The following TENM4 variants were observed in gnomAD, a reference collection of about 807,000 sequenced individuals.
TENM4 encodes teneurin transmembrane protein 4.
A neutral mutation model predicts 243.3 loss-of-function variants in TENM4; 82 were observed. The observed-to-expected ratio is 0.34, with a 90% CI of 0.28 to 0.40. TENM4 has a LOEUF of 0.40. TENM4 is among the 10% of genes least tolerant of loss of function. TENM4 has a pLI of 1.00. For synonymous variants in TENM4, 1,412 were observed against 1,456.3 expected, an observed-to-expected ratio of 0.97 and a Z score of 0.69; for missense variants, 3,138 against 3,673.3, an observed-to-expected ratio of 0.85 and a Z score of 3.77.
chr11:79,038,845 G>A (rs557969112), intron 6 of TENM4, among the ~76,000 whole-genome samples: 1 of 152,348 alleles, frequency 6.6e-6, no homozygotes, highest in South Asian at 2.1e-4. Flanking sequence ...AGAAGAGAAA[G>A]AGCCAGGGAA....
intron 19 of TENM4, among the ~76,000 whole-genome samples, chr11:78,752,254 C>T (rs1262489195): frequency 6.6e-6 from 1 of 152,238 alleles, no homozygotes; most frequent in Non-Finnish European, 1.5e-5. Context: ...GCCTTCATCA[C>T]TCCAGGAGAT....
intron 6 of TENM4, among the ~76,000 whole-genome samples, chr11:78,987,604 G>A (rs2136650205): frequency 6.6e-6 from 1 of 152,324 alleles, no homozygotes; most frequent in South Asian, 2.1e-4. Flanking sequence ...ACATGTAAGT[G>A]TACTTTACAC....
At chr11:79,011,538 C>T (rs950426823) in intron 6 of TENM4, among the ~76,000 whole-genome samples, 6 of 152,158 alleles carry the variant, frequency 3.9e-5, no homozygotes, top group African/African-American at 1.2e-4. Flanking sequence ...GGCTTAGATG[C>T]CCAGGTTCCT....
chr11:78,805,277 T>TTCCCCCCCCC lies in TENM4; in HGVS notation c.2179+14_2179+15insGGGGGGGGGA. The TTCCCCCCCCC allele has an allele frequency of 7.1e-7, 1 of 1,402,550 alleles. No individual in the cohort carries two copies. Among genetic ancestry groups the TTCCCCCCCCC allele is most frequent in the Non-Finnish European group, 9.7e-7 (1 of 1,033,116 alleles). 86.9% of individuals were successfully genotyped at this position (1,402,550 alleles called of 1,614,324 possible). ...CCCCTCCCTCTACCCATGCTTCTTC[T>TTCCCCCCCCC]CCCCCTGCATTTACCGATAGAACAG... On this transcript the variant is annotated intron_variant, in intron 15 of 33. Coordinates refer to ENST00000278550, the MANE Select transcript of TENM4 (RefSeq NM_001098816.3).
chr11:79,006,663 A>C (rs528879769), intron 6 of TENM4, among the ~76,000 whole-genome samples: 44 of 152,336 alleles, frequency 2.9e-4, no homozygotes, highest in Non-Finnish European at 5.0e-4. Context: ...AAATTTAGAT[A>C]TACAGGCACA....
At chr11:78,806,627 T>C (rs1857394436) in intron 14 of TENM4, among the ~76,000 whole-genome samples, 1 of 152,222 alleles carries the variant, frequency 6.6e-6, no homozygotes, top group Non-Finnish European at 1.5e-5. Context: ...AGGTAAATAA[T>C]TTATGCCAGA....
intron 4 of TENM4, chr11:79,093,824 A>C (rs1482675342): frequency 6.6e-6 from 1 of 152,192 alleles, no homozygotes; most frequent in Non-Finnish European, 1.5e-5. Context: ...ATAAACACTA[A>C]ATAAGACTTG....
At chr11:78,918,450 T>TA (rs35213447) in intron 6 of TENM4, among the ~76,000 whole-genome samples, 2,305 of 143,058 alleles carry the variant, frequency 0.016, 52 homozygotes, top group African/African-American at 0.049. Context: ...CTACTTATGT[T>TA]AAAAAAAAAA....
chr11:79,105,125 G>A (rs954805800), intron 4 of TENM4, among the ~76,000 whole-genome samples: 16 of 152,072 alleles, frequency 1.1e-4, no homozygotes, highest in Non-Finnish European at 1.8e-4. Context: ...AGCCACCAAC[G>A]AACCCCAATT....
intron 16 of TENM4, among the ~76,000 whole-genome samples, chr11:78,783,156 A>G (rs1243041986): frequency 6.6e-6 from 1 of 152,216 alleles, no homozygotes; most frequent in African/African-American, 2.4e-5. Context: ...AAGAAATAGG[A>G]AAAAAATTAA....
intron 6 of TENM4, among the ~76,000 whole-genome samples, chr11:78,950,399 A>G (rs1216275372): frequency 6.6e-6 from 1 of 152,176 alleles, no homozygotes; most frequent in East Asian, 1.9e-4. Context: ...GGGGGAGAAT[A>G]AATCCCTGAT....
At chr11:78,917,303 C>T (rs759909489) in intron 6 of TENM4, among the ~76,000 whole-genome samples, 4 of 152,180 alleles carry the variant, frequency 2.6e-5, no homozygotes, top group Admixed American at 6.5e-5. Flanking sequence ...CTACCTTCAC[C>T]GAAGAGCGGC....
chr11:79,088,113 A>G (rs1406614522), intron 4 of TENM4, among the ~76,000 whole-genome samples: 1 of 152,164 alleles, frequency 6.6e-6, no homozygotes, highest in African/African-American at 2.4e-5. Flanking sequence ...TCTGCCTGTC[A>G]CTCCATCGGT....
intron 28 of TENM4, among the ~76,000 whole-genome samples, chr11:78,699,128 A>C (rs149043624): frequency 6.6e-6 from 1 of 150,550 alleles, no homozygotes; most frequent in Non-Finnish European, 1.5e-5. Context: ...TATTGCTTGC[A>C]TTAACAACAA....
In TENM4 at chr11:78,854,108, G is replaced by T; in HGVS notation, c.1677C>A (p.Ala559=). 1 of 1,551,234 alleles carries T rather than the reference G, an allele frequency of 6.4e-7. No homozygotes were observed. Among genetic ancestry groups the T allele is most frequent in the Non-Finnish European group, 8.7e-7 (1 of 1,146,732 alleles). The change falls in exon 12 of 34, where the codon GCC becomes GCA. Residue 559 remains alanine (A), a synonymous_variant. Coordinates refer to ENST00000278550, the MANE Select transcript of TENM4 (RefSeq NM_001098816.3). ...CAGAGGGTGTGGCTCCCTTACCAAT[G>T]GCAGTGGTGAGAAAGGAAACCACTT... ...ESEVVSFLTT[A]IESVDNCPSN...
chr11:79,289,125 G>A (rs1434184845), intron 2 of TENM4, among the ~76,000 whole-genome samples: 1 of 152,206 alleles, frequency 6.6e-6, no homozygotes, highest in African/African-American at 2.4e-5. Flanking sequence ...TCCTACACGT[G>A]TAGAGGGCAA....
At chr11:78,708,310 T>C in intron 27 of TENM4, 51 bp downstream of exon 27, 1 of 1,606,148 alleles carries the variant, frequency 6.2e-7, no homozygotes, top group Non-Finnish European at 8.5e-7. Flanking sequence ...GGGTGGCAGA[T>C]GAGAGGATGA....
chr11:78,964,033 A>C (rs1857388826), intron 6 of TENM4, among the ~76,000 whole-genome samples: 2 of 130,462 alleles, frequency 1.5e-5, no homozygotes, highest in African/African-American at 6.0e-5. Flanking sequence ...CACCACACCC[A>C]GACTTTTTTT....
Position 78,931,542 on chromosome 11 carries a change from A to C in TENM4, c.494-28019T>G, listed in dbSNP as rs183201259. 2.6e-5 allele frequency among the ~76,000 whole-genome samples: 4 copies of C among 152,350 alleles called. 1 individual carries two copies. The East Asian group carries it at 7.7e-4, about 29-fold the overall frequency. The stretch of plus-strand genomic sequence containing the variant: ...TTTACTTGCCACTGATCTCATAAGG[A>C]AGGAAACACCTTTATCAGCATCCAC... On this transcript the variant is annotated intron_variant, in intron 6 of 33. Coordinates refer to ENST00000278550, the MANE Select transcript of TENM4 (RefSeq NM_001098816.3).
Sources: allele counts gnomAD v4.1 joint callset (sites outside exome capture counted in the v4.1 genomes callset), GRCh38; gene constraint gnomAD v4.1.1; transcripts MANE v1.5; gene names NCBI Gene and HGNC (gene_info 2026-07-23, HGNC 2026-07-21).